Variants in DCLK3 observed in about 807,000 individuals in gnomAD.
The protein encoded by DCLK3 is doublecortin like kinase 3.
Under a neutral mutation model 46.4 loss-of-function variants are expected in DCLK3, and 30 were observed. The observed-to-expected ratio is 0.65, with a 90% CI of 0.48 to 0.88. The LOEUF is 0.88. DCLK3 is among the 40% of genes least tolerant of loss of function. DCLK3 has a pLI of 0.00. For missense variants in DCLK3, 846 were observed against 907.1 expected, an observed-to-expected ratio of 0.93 and a Z score of 0.87; for synonymous variants, 401 against 339.2, an observed-to-expected ratio of 1.18 and a Z score of -2.00.
intron 1 of DCLK3, among the ~76,000 whole-genome samples, chr3:36,759,350 G>A (rs1207588805): frequency 6.6e-6 from 1 of 152,096 alleles, no homozygotes; most frequent in Non-Finnish European, 1.5e-5. Context: ...ATTCATTCCA[G>A]ACGAGCCAGA....
In DCLK3 at chr3:36,737,246, T is replaced by A. The variant is rs778148473; in HGVS notation, c.1921A>T (p.Ser641Cys). Residue 641 changes from serine (S) to cysteine (C), a missense_variant, in exon 2 of 5, where the codon AGC becomes TGC. This residue lies in a region of DCLK3 where 247 missense variants were observed against 322.8 expected (regional missense o/e 0.77). Transcript: ENST00000636136. The surrounding 1 kb of genome is among the most constrained non-coding windows in gnomAD (Gnocchi z 4.4). ...GGCTTGAGGTCCCGGTGGACAATGC[T>A]CTTGTCGTGCATGTGGACGAGGGCT... ...CKALVHMHDK[S>C]IVHRDLKPEN... The A allele has an allele frequency of 6.2e-7, 1 of 1,614,120 alleles. No homozygotes were observed. The highest frequency in any genetic ancestry group is 8.5e-7 in the Non-Finnish European group (1 of 1,180,018).
rs1359942342 is a variant in DCLK3, at chr3:36,737,020, T to C, written c.1959+188A>G. Reference sequence around the variant, plus strand: ...GAAGGTTTCTTTTTCTGTAAGTTAATCAAAACTAATTTATCTCAGCAACTT... The same window carrying C: ...GAAGGTTTCTTTTTCTGTAAGTTAACCAAAACTAATTTATCTCAGCAACTT... On this transcript the variant is annotated intron_variant, in intron 2 of 4. Transcript: ENST00000636136. The surrounding 1 kb of genome is among the most constrained non-coding windows in gnomAD (Gnocchi z 4.4). Among the ~76,000 whole-genome samples, 4 of 152,196 alleles carry C rather than the reference T, an allele frequency of 2.6e-5. No homozygotes were observed. Among genetic ancestry groups the C allele is most frequent in the Non-Finnish European group, 5.9e-5 (4 of 68,036 alleles).
chr3:36,749,690 C>T (rs58053287), intron 1 of DCLK3, among the ~76,000 whole-genome samples: 60,901 of 152,012 alleles, frequency 0.4, 12,631 homozygotes, highest in African/African-American at 0.48. Flanking sequence ...GAAACTTCCA[C>T]GATCCATTCA....
rs750717043 is a variant in DCLK3 at position 36,737,524 on chromosome 3, C to T, written c.1643G>A (p.Arg548Lys). The change falls in exon 2 of 5, where the codon AGG becomes AAG. Residue 548 changes from arginine (R) to lysine (K), a missense_variant. Transcript: ENST00000636136. This position sits in a 1 kb window ranked among gnomAD's most constrained non-coding sequence, Gnocchi z 4.4. ...AATGATCTTCATCGCATAGGCCTGC[C>T]TGGTCTCGCGGTGTCTGCACTCCTT... Reference protein sequence around the residue: ...VVKECRHRETRQAYAMKIIDK... With the variant: ...VVKECRHRETKQAYAMKIIDK... 13 of 1,614,070 alleles carry T rather than the reference C, an allele frequency of 8.1e-6. No individual in the cohort carries two copies. Among genetic ancestry groups the T allele is most frequent in the Non-Finnish European group, 9.3e-6 (11 of 1,180,046 alleles).
Position 36,738,772 on chromosome 3 carries a change from G to C in DCLK3, c.395C>G (p.Ala132Gly), listed in dbSNP as rs567982076. ...ATTCTTCCATCTGGGAGAGCCCAAG[G>C]CTTCTGAGATGTCAGCTAAGAGCTG... ...FEQLLADISEALGSPRWKNDR... is the reference protein window; with the variant it reads ...FEQLLADISEGLGSPRWKNDR... Residue 132 changes from alanine to glycine, a missense_variant, in exon 2 of 5, where the codon GCC becomes GGC. By Grantham distance (60) the Ala-to-Gly change is moderately conservative. This residue lies in a region of DCLK3 where 553 missense variants were observed against 543.0 expected (regional missense o/e 1.02). Transcript: ENST00000636136. 7 of 1,255,896 alleles carry C rather than the reference G, an allele frequency of 5.6e-6. No homozygotes were observed. The South Asian group carries it at 9.7e-5, about 17-fold the overall frequency. 77.8% of individuals were successfully genotyped at this position (1,255,896 alleles called of 1,614,324 possible). A position where few individuals can be genotyped will look rare whatever the true frequency, so the allele number is the denominator to read the frequency against.
At chr3:36,742,743 T>A (rs901639620) in intron 1 of DCLK3, among the ~76,000 whole-genome samples, 2 of 152,190 alleles carry the variant, frequency 1.3e-5, no homozygotes, top group Admixed American at 6.5e-5. Context: ...GAGCAAAATT[T>A]TCTTCTTTAC....
At chr3:36,715,676 C>G (rs571917411) in intron 4 of DCLK3, among the ~76,000 whole-genome samples, 155 bp from the exon 5 acceptor site, 13 of 152,330 alleles carry the variant, frequency 8.5e-5, no homozygotes, top group African/African-American at 2.6e-4. Flanking sequence ...CAATAGAAGA[C>G]AGGAACATTC....
intron 1 of DCLK3, among the ~76,000 whole-genome samples, chr3:36,744,790 T>A (rs1026462063): frequency 7.9e-5 from 12 of 152,114 alleles, no homozygotes; most frequent in African/African-American, 2.9e-4. Context: ...GTGATTGAAA[T>A]AAAAAACCAG....
chr3:36,754,856 C>A (rs2125537962), intron 1 of DCLK3, among the ~76,000 whole-genome samples: 1 of 152,280 alleles, frequency 6.6e-6, no homozygotes, highest in South Asian at 2.1e-4. Context: ...AATTAGAGTA[C>A]ATGGACTCTC....
At chr3:36,717,891 G>T in intron 4 of DCLK3, 119 bp downstream of exon 4, 1 of 1,319,772 alleles carries the variant, frequency 7.6e-7, no homozygotes, top group Non-Finnish European at 1.1e-6. Context: ...GGAAGTAAAG[G>T]CTGAGACATG....
At chr3:36,743,076 A>G (rs897785703) in intron 1 of DCLK3, among the ~76,000 whole-genome samples, 2 of 152,140 alleles carry the variant, frequency 1.3e-5, no homozygotes, top group African/African-American at 4.8e-5. Context: ...ATAAAAAAAC[A>G]AATTTCATGT....
chr3:36,743,201 G>A (rs1701364300), intron 1 of DCLK3, among the ~76,000 whole-genome samples: 2 of 144,050 alleles, frequency 1.4e-5, no homozygotes, highest in Non-Finnish European at 3.0e-5. Flanking sequence ...ATGATCATTG[G>A]AGCATTTCAG....
chr3:36,755,061 T>C (rs1034472604), intron 1 of DCLK3, among the ~76,000 whole-genome samples: 22 of 152,210 alleles, frequency 1.4e-4, no homozygotes, highest in African/African-American at 5.3e-4. Flanking sequence ...TATACATTTA[T>C]ATGTCAACAT....
At chr3:36,762,002 G>T (rs1197122388) in intron 1 of DCLK3, among the ~76,000 whole-genome samples, 1 of 152,108 alleles carries the variant, frequency 6.6e-6, no homozygotes, top group Non-Finnish European at 1.5e-5. Context: ...TTTTTTCTTG[G>T]GAAAAAAGAG....
chr3:36,763,175 G>T (rs1342390654), intron 1 of DCLK3, among the ~76,000 whole-genome samples: 1 of 152,238 alleles, frequency 6.6e-6, no homozygotes, highest in Non-Finnish European at 1.5e-5. Flanking sequence ...AATGATGAAG[G>T]TGGGACCCTG....
chr3:36,748,907 C>T (rs539407015), intron 1 of DCLK3, among the ~76,000 whole-genome samples: 1 of 152,288 alleles, frequency 6.6e-6, no homozygotes, highest in South Asian at 2.1e-4. Flanking sequence ...GGGAGCCTCT[C>T]CAGATGCTGC....
intron 1 of DCLK3, among the ~76,000 whole-genome samples, chr3:36,750,258 T>A (rs1429503581): frequency 6.6e-6 from 1 of 152,142 alleles, no homozygotes; most frequent in Non-Finnish European, 1.5e-5. Context: ...TTTTTTGTAT[T>A]TTTAGTCAAG....
At chr3:36,752,417 T>C (rs1223140065) in intron 1 of DCLK3, among the ~76,000 whole-genome samples, 1 of 152,214 alleles carries the variant, frequency 6.6e-6, no homozygotes, top group Admixed American at 6.5e-5. Context: ...CATCTCAGGT[T>C]CTGCTTCTAG....
intron 2 of DCLK3, among the ~76,000 whole-genome samples, chr3:36,732,020 C>G (rs1701205645): frequency 6.6e-6 from 1 of 152,192 alleles, no homozygotes; most frequent in Non-Finnish European, 1.5e-5. Context: ...AGAATATACT[C>G]TTTTAGACAG....
Sources: gnomAD v4.1 joint callset for allele counts (sites outside exome capture counted in the v4.1 genomes callset) on GRCh38, gnomAD v4.1.1 for gene constraint, gnomAD v4.1.1 regional missense constraint, Gnocchi (gnomAD v3.1) non-coding constraint, MANE v1.5 for transcripts, NCBI Gene and HGNC (gene_info 2026-07-23, HGNC 2026-07-21) for gene names.